ZDHHC11: variants seen among roughly 807,000 people sequenced by gnomAD.
The protein encoded by ZDHHC11 is zDHHC palmitoyltransferase 11.
A neutral mutation model predicts 51.3 loss-of-function variants in ZDHHC11; 44 were observed. That is an observed-to-expected ratio of 0.86 (90% CI 0.67 to 1.10). The LOEUF (loss-of-function observed/expected upper bound fraction) is 1.10. Among genes scored for constraint, ZDHHC11 ranks in the 50% least tolerant of loss-of-function variants. The pLI is 0.00. For missense variants in ZDHHC11, 400 were observed against 537.7 expected (o/e 0.74, Z 2.53); for synonymous variants, 163 against 222.0 (o/e 0.73, Z 2.36).
chr5:850,354 T>C (rs1394467642), intron 1 of ZDHHC11, 27 bp downstream of exon 1: 4 of 1,610,702 alleles, frequency 2.5e-6, no homozygotes, highest in Non-Finnish European at 3.4e-6. Context: ...CCCTCCCGCT[T>C]AGACCATGCC....
In ZDHHC11 at chr5:817,295, T is replaced by C. The variant is rs552444244; in HGVS notation, c.1146+2230A>G. ...TTGTACTTATCAATACTTTATACTA[T>C]AGCTTTGTGCCATGCAGCATTTTAA... On this transcript the variant is annotated intron_variant, in intron 10 of 12. Coordinates refer to ENST00000283441, the MANE Select transcript of ZDHHC11 (RefSeq NM_024786.3). Among the ~76,000 whole-genome samples the C allele has an allele frequency of 9.9e-5, 15 of 151,644 alleles. No homozygotes were observed. The East Asian group carries it at 2.5e-3, about 25-fold the overall frequency.
chr5:796,763 G>A (rs1737633602), intron 12 of ZDHHC11, among the ~76,000 whole-genome samples, 183 bp from the exon 13 acceptor site: 5 of 152,144 alleles, frequency 3.3e-5, no homozygotes, highest in African/African-American at 1.2e-4. Flanking sequence ...GGTCTAGTGA[G>A]AGTCCTCCCG....
At chr5:849,083 G>T (rs1422869358) in intron 1 of ZDHHC11, among the ~76,000 whole-genome samples, 1 of 151,916 alleles carries the variant, frequency 6.6e-6, no homozygotes, top group African/African-American at 2.4e-5. Context: ...TGCTCACCCA[G>T]ATCTAGAGGA....
At chr5:804,246 T>A (rs1165618756) in intron 11 of ZDHHC11, among the ~76,000 whole-genome samples, 2 of 151,298 alleles carry the variant, frequency 1.3e-5, no homozygotes. Flanking sequence ...TCTGCCCTGC[T>A]CTGCCCACCC....
intron 4 of ZDHHC11, chr5:841,949 C>T: frequency 1.0e-6 from 1 of 989,726 alleles, no homozygotes; most frequent in Non-Finnish European, 1.2e-6. Flanking sequence ...CTCAGCCTGA[C>T]AGGACCGCAG....
chr5:817,284 A>G (rs1456494233), intron 10 of ZDHHC11, among the ~76,000 whole-genome samples: 4 of 151,496 alleles, frequency 2.6e-5, no homozygotes, highest in Non-Finnish European at 3.0e-5. Context: ...ACTTATCAAT[A>G]CTTTATACTA....
intron 3 of ZDHHC11, among the ~76,000 whole-genome samples, chr5:844,175 C>A (rs2150421888): frequency 6.6e-6 from 1 of 152,340 alleles, no homozygotes; most frequent in South Asian, 2.1e-4. Context: ...GAAGCTCAGG[C>A]TCCTGTCTCT....
At chr5:814,673 TTAAA>T in intron 11 of ZDHHC11, 84 bp downstream of exon 11, 1 of 1,345,252 alleles carries the variant, frequency 7.4e-7, no homozygotes, top group Non-Finnish European at 1.0e-6. Flanking sequence ...TTTGAACATG[TTAAA>T]TAGAGAACAT....
At chr5:838,722 G>A (rs1414462570) in intron 5 of ZDHHC11, among the ~76,000 whole-genome samples, 2 of 152,176 alleles carry the variant, frequency 1.3e-5, no homozygotes, top group African/African-American at 4.8e-5. Flanking sequence ...TCCAAGTGCA[G>A]TGCCTGGCTC....
chr5:816,280 A>G (rs1447180021), intron 10 of ZDHHC11: 2 of 271,482 alleles, frequency 7.4e-6, no homozygotes, highest in Non-Finnish European at 1.5e-5. Context: ...GGGATCTATC[A>G]AAGAAGACAT....
At chr5:844,239 G>A (rs1745727190) in intron 3 of ZDHHC11, among the ~76,000 whole-genome samples, 1 of 152,286 alleles carries the variant, frequency 6.6e-6, no homozygotes, top group African/African-American at 2.4e-5. Flanking sequence ...GGAGAGGGGT[G>A]GCCGTGGGAC....
chr5:850,489 C>T lies in ZDHHC11; in HGVS notation c.114G>A (p.Leu38=). 2 of 1,613,686 alleles carry T rather than the reference C, an allele frequency of 1.2e-6. No individual in the cohort carries two copies. Among genetic ancestry groups the T allele is most frequent in the Non-Finnish European group, 1.7e-6 (2 of 1,180,016 alleles). ...CCCAGGTCACCACCTGGAAGTAGTGCAGGGGTAACGACCAGCCGTTCACTC... is the reference window on the plus strand; with the variant it reads ...CCCAGGTCACCACCTGGAAGTAGTGTAGGGGTAACGACCAGCCGTTCACTC... The part of the protein sequence containing the change: ...ISRVNGWSLP[L]HYFQVVTWAV... The change falls in exon 1 of 13, where the codon CTG becomes CTA. Residue 38 remains leucine, a synonymous_variant. Coordinates refer to ENST00000283441, the MANE Select transcript of ZDHHC11 (RefSeq NM_024786.3).
At chr5:817,996 G>A (rs1273484470) in intron 10 of ZDHHC11, among the ~76,000 whole-genome samples, 2 of 151,284 alleles carry the variant, frequency 1.3e-5, no homozygotes, top group Non-Finnish European at 3.0e-5. Flanking sequence ...TGCATTTTCA[G>A]ATGGAATTCT....
At chr5:846,997 C>G (rs1354049531) in intron 3 of ZDHHC11, among the ~76,000 whole-genome samples, 2 of 151,318 alleles carry the variant, frequency 1.3e-5, no homozygotes, top group African/African-American at 4.8e-5. Context: ...CTCCACCGTG[C>G]TCAGGGAAAC....
chr5:857,199 T>C (rs948264123), intron 1 of ZDHHC11, among the ~76,000 whole-genome samples: 3 of 152,230 alleles, frequency 2.0e-5, no homozygotes, highest in East Asian at 1.9e-4. Context: ...CCCTGTGTTA[T>C]GACAACCGGA....
chr5:796,780 G>T (rs1737637962), intron 12 of ZDHHC11, among the ~76,000 whole-genome samples, 200 bp from the exon 13 acceptor site: 1 of 152,186 alleles, frequency 6.6e-6, no homozygotes, highest in Non-Finnish European at 1.5e-5. Context: ...CCCGAGCCAG[G>T]CTCCTGCCCT....
chr5:796,974 G>A (rs1436759491), intron 12 of ZDHHC11, among the ~76,000 whole-genome samples: 9 of 151,872 alleles, frequency 5.9e-5, no homozygotes, highest in South Asian at 2.1e-4. Flanking sequence ...TTGGGAGTCC[G>A]AGGCGGGTGG....
chr5:836,869 T>C (rs1459496383), intron 6 of ZDHHC11, among the ~76,000 whole-genome samples: 1 of 149,810 alleles, frequency 6.7e-6, no homozygotes, highest in Non-Finnish European at 1.5e-5. Context: ...GAGACCAGCC[T>C]GGCGTGTTAA....
chr5:858,392 A>T (rs76670674), intron 1 of ZDHHC11, among the ~76,000 whole-genome samples: 221 of 123,836 alleles, frequency 1.8e-3, no homozygotes, highest in African/African-American at 7.0e-3. Flanking sequence ...AAGTCTGTCC[A>T]GGTCCCCGTC....
Sources: allele counts gnomAD v4.1 joint callset (sites outside exome capture counted in the v4.1 genomes callset), GRCh38; gene constraint gnomAD v4.1.1; transcripts MANE v1.5; gene names NCBI Gene and HGNC (gene_info 2026-07-23, HGNC 2026-07-21).